Variants in RSPH4A observed in about 807,000 individuals in gnomAD.
RSPH4A encodes the protein radial spoke head protein 4 homolog A.
RSPH4A carries 47 observed loss-of-function variants against 71.0 expected under a neutral mutation model. The observed-to-expected ratio is 0.66, with a 90% confidence interval of 0.52 to 0.84. RSPH4A has a LOEUF of 0.84. Among genes scored for constraint, RSPH4A ranks in the 40% least tolerant of loss-of-function variants. RSPH4A has a pLI of 0.00. For missense variants in RSPH4A, 793 were observed against 855.2 expected (o/e 0.93, Z 0.91); for synonymous variants, 282 against 302.3 (o/e 0.93, Z 0.70).
At chr6:116,629,828 T>TC (rs1180666575) in intron 4 of RSPH4A, 126 bp downstream of exon 4, 13 of 842,550 alleles carry the variant, frequency 1.5e-5, no homozygotes, top group Non-Finnish European at 2.3e-5. Flanking sequence ...CTCATCCTCT[T>TC]CCCATTCATG....
chr6:116,616,656 A>G lies in RSPH4A; in HGVS notation c.33A>G (p.Lys11=), dbSNP rs766377488. The change falls in exon 1 of 6, where the codon AAA becomes AAG. Residue 11 remains lysine (K), a synonymous_variant. Coordinates refer to ENST00000229554, the MANE Select transcript of RSPH4A (RefSeq NM_001010892.3). MEDSTSPKQE[K]ENQEELGETR... ...ACTCAACCTCCCCGAAGCAAGAAAA[A>G]GAAAACCAAGAAGAACTAGGGGAAA... is the stretch of plus-strand genomic sequence containing the variant. 3.1e-6 allele frequency: 5 copies of G among 1,613,970 alleles called. No individual in the cohort carries two copies. Among genetic ancestry groups the G allele is most frequent in the South Asian group, 2.2e-5 (2 of 91,074 alleles).
In RSPH4A at chr6:116,622,997, G is replaced by A. The variant is rs781463706; in HGVS notation, c.916G>A (p.Glu306Lys). The A allele has an allele frequency of 8.3e-6, 13 of 1,572,538 alleles. No individual in the cohort carries two copies. The highest frequency in any genetic ancestry group is 9.6e-6 in the Non-Finnish European group (11 of 1,142,274). ...AGGAGTTGACCAAGAATTGGAAGAT[G>A]AAATAGTAAGTCACTACTACAAATT... ...LEGVDQELEDEIAENALPNVM... is the reference protein window; with the variant it reads ...LEGVDQELEDKIAENALPNVM... Residue 306 changes from glutamate to lysine, a missense_variant, in exon 2 of 6, where the codon GAA becomes AAA. Physicochemically the swap from Glu to Lys is moderately conservative, Grantham distance 56. Coordinates refer to ENST00000229554, the MANE Select transcript of RSPH4A (RefSeq NM_001010892.3).
chr6:116,623,062 T>C (rs1162845094), intron 2 of RSPH4A, 60 bp downstream of exon 2: 1 of 1,058,700 alleles, frequency 9.4e-7, no homozygotes, highest in Non-Finnish European at 1.5e-6. Context: ...GACGAATGGC[T>C]GTGGCTTTAA....
chr6:116,629,503 A>G, intron 3 of RSPH4A, 64 bp from the exon 4 acceptor site: 1 of 1,517,852 alleles, frequency 6.6e-7, no homozygotes, highest in Non-Finnish European at 9.1e-7. Context: ...GATCAATTCA[A>G]ATGAATAATC....
In RSPH4A at chr6:116,616,593, TC is replaced by T; in HGVS notation, c.-29del. ...CTTCCATATTTTCACGCCCCTTTCA[TC>T]CAGAACATTTTTTTTCTTGAACTGC... On this transcript the variant is annotated 5_prime_UTR_variant, in exon 1 of 6. Transcript: ENST00000229554. The T allele has an allele frequency of 6.3e-7, 1 of 1,576,910 alleles. No individual in the cohort carries two copies. The highest frequency in any genetic ancestry group is 8.7e-7 in the Non-Finnish European group (1 of 1,155,208).
intron 1 of RSPH4A, among the ~76,000 whole-genome samples, chr6:116,620,199 G>A (rs1775579262): frequency 6.6e-6 from 1 of 152,128 alleles, no homozygotes. Flanking sequence ...ATACTTGTGA[G>A]TTCACTAACA....
chr6:116,630,461 A>C lies in RSPH4A; in HGVS notation c.1825A>C (p.Thr609Pro). 1.9e-6 allele frequency: 3 copies of C among 1,608,844 alleles called. No homozygotes were observed. Among genetic ancestry groups the C allele is most frequent in the Non-Finnish European group, 2.6e-6 (3 of 1,175,346 alleles). ...LEIQNIPPWT[T>P]RLSSNLIPQY... ...GATTCAGAATATACCCCCCTGGACA[A>C]CACGGTTATCCTCAAATCTCATTCC... Residue 609 changes from threonine to proline, a missense_variant, in exon 5 of 6, where the codon ACA (threonine) becomes CCA (proline). Transcript: ENST00000229554.
chr6:116,630,296 T>C, intron 4 of RSPH4A, 139 bp from the exon 5 acceptor site: 1 of 727,360 alleles, frequency 1.4e-6, no homozygotes, highest in Admixed American at 1.8e-5. Context: ...GTTGCTGCTG[T>C]TTTTTCTTTC....
Position 116,626,013 on chromosome 6 carries a change from T to C in RSPH4A, c.922-1616T>C, listed in dbSNP as rs111593415. On this transcript the variant is annotated intron_variant, in intron 2 of 5. Coordinates refer to ENST00000229554, the MANE Select transcript of RSPH4A (RefSeq NM_001010892.3). ...ATAAAGAGTTGAGAGATGCGATAAGTGAAAAGGATATTTTGACAACATCAA... is the reference window on the plus strand; with the variant it reads ...ATAAAGAGTTGAGAGATGCGATAAGCGAAAAGGATATTTTGACAACATCAA... Among the ~76,000 whole-genome samples the C allele has an allele frequency of 6.6e-5, 10 of 152,196 alleles. 1 individual carries two copies. The highest frequency in any genetic ancestry group is 2.2e-4 in the African/African-American group (9 of 41,532).
intron 1 of RSPH4A, among the ~76,000 whole-genome samples, chr6:116,622,249 A>AGAT (rs1262417192): frequency 6.6e-6 from 1 of 152,208 alleles, no homozygotes. Context: ...AGAGTCAACA[A>AGAT]GATTAGAAAT....
chr6:116,620,889 C>T (rs567195101), intron 1 of RSPH4A, among the ~76,000 whole-genome samples: 1 of 152,138 alleles, frequency 6.6e-6, no homozygotes, highest in Non-Finnish European at 1.5e-5. Flanking sequence ...GACAGAGTCT[C>T]ACGTTGTCAC....
At position 116,616,904 on chromosome 6, in the gene RSPH4A, C is replaced by T. The variant is rs1397332406; in HGVS notation, c.281C>T (p.Pro94Leu). The stretch of plus-strand genomic sequence containing the variant: ...TCTCCGCGGGAGCCCTCTTCCTCTC[C>T]TTCTCCCCTGGCTCCGGCCAGACAA... Reference protein sequence around the residue: ...PVSPREPSSSPSPLAPARQDL... With the variant: ...PVSPREPSSSLSPLAPARQDL... Residue 94 changes from proline (P) to leucine (L), a missense_variant, in exon 1 of 6, where the codon CCT becomes CTT. Transcript: ENST00000229554. 2 of 1,614,052 alleles carry T rather than the reference C, an allele frequency of 1.2e-6. No homozygotes were observed. The highest frequency in any genetic ancestry group is 2.2e-5 in the East Asian group (1 of 44,888).
rs764572415 is a variant in RSPH4A, at chr6:116,616,995, T to TC, written c.374dup (p.Asp126Ter). ...TGATTCCTGAAGCTGGGACACCTTATCCTGATCCTTTGGAACAATCATCTG... is the reference window on the plus strand; with the variant it reads ...TGATTCCTGAAGCTGGGACACCTTATCCCTGATCCTTTGGAACAATCATCTG... On this transcript the variant is annotated frameshift_variant, in exon 1 of 6. Transcript: ENST00000229554. LOFTEE classifies it high-confidence loss of function. 1.2e-6 allele frequency: 2 copies of TC among 1,614,072 alleles called. No individual in the cohort carries two copies. The highest frequency in any genetic ancestry group is 1.7e-6 in the Non-Finnish European group (2 of 1,180,038).
chr6:116,622,213 A>G (rs1775621657), intron 1 of RSPH4A, among the ~76,000 whole-genome samples: 1 of 152,156 alleles, frequency 6.6e-6, no homozygotes, highest in Admixed American at 6.5e-5. Flanking sequence ...AATAAAATGG[A>G]AAGGAAGAGA....
chr6:116,629,415 A>C, intron 3 of RSPH4A, 152 bp from the exon 4 acceptor site: 1 of 882,202 alleles, frequency 1.1e-6, no homozygotes, highest in Non-Finnish European at 1.8e-6. Context: ...AACCTAGATC[A>C]AAATAGCACT....
intron 1 of RSPH4A, among the ~76,000 whole-genome samples, chr6:116,621,341 T>C (rs918884544): frequency 3.3e-5 from 5 of 152,238 alleles, no homozygotes; most frequent in Non-Finnish European, 4.4e-5. Context: ...TACATATTTT[T>C]CTTTGACATT....
At chr6:116,624,560 C>T (rs549029283) in intron 2 of RSPH4A, among the ~76,000 whole-genome samples, 1 of 152,242 alleles carries the variant, frequency 6.6e-6, no homozygotes, top group African/African-American at 2.4e-5. Context: ...ATAAGATTGA[C>T]TTTAAAGCCT....
In RSPH4A at chr6:116,616,520, A is replaced by G; in HGVS notation, c.-104A>G. The G allele has an allele frequency of 9.9e-7, 1 of 1,014,636 alleles. No individual in the cohort carries two copies. The highest frequency in any genetic ancestry group is 1.5e-6 in the Non-Finnish European group (1 of 661,420). The allele number at this position is 1,014,636 out of a possible 1,614,324, so 62.9% of individuals were successfully genotyped here. ...GCAACTCACAGAGCAACCAGGACCC[A>G]GAAATCGCTTAAGAGACCGCGGCAA... is the stretch of plus-strand genomic sequence containing the variant. On this transcript the variant is annotated 5_prime_UTR_variant, in exon 1 of 6. Coordinates refer to ENST00000229554, the MANE Select transcript of RSPH4A (RefSeq NM_001010892.3).
In RSPH4A at chr6:116,625,373, C is replaced by T. The variant is rs150070307; in HGVS notation, c.922-2256C>T. ...AAGATTATTTAATGTTTGGAAAAGT[C>T]GATTGTGGGTTTGAGAGAGTGATGG... On this transcript the variant is annotated intron_variant, in intron 2 of 5. Transcript: ENST00000229554. 8.0e-4 allele frequency among the ~76,000 whole-genome samples: 122 copies of T among 152,128 alleles called. 1 individual carries two copies. The highest frequency in any genetic ancestry group is 2.9e-3 in the African/African-American group (119 of 41,506).
Sources: gnomAD v4.1 joint callset for allele counts (sites outside exome capture counted in the v4.1 genomes callset) on GRCh38, gnomAD v4.1.1 for gene constraint, MANE v1.5 for transcripts, NCBI Gene and HGNC (gene_info 2026-07-23, HGNC 2026-07-21) for gene names.